The following RCAN2 variants were observed in gnomAD, a reference collection of about 807,000 sequenced individuals.
RCAN2 encodes regulator of calcineurin 2.
RCAN2 carries 9 observed loss-of-function variants against 23.6 expected under a neutral mutation model. The ratio of observed to expected loss-of-function variants is 0.38; its 90% CI spans 0.23 to 0.67. The LOEUF (loss-of-function observed/expected upper bound fraction) is 0.67, where lower values mean the gene tolerates loss of function less well. RCAN2 is among the 30% of genes least tolerant of loss of function. The pLI is 0.51. For synonymous variants in RCAN2, 109 were observed against 115.7 expected, an observed-to-expected ratio of 0.94 and a Z score of 0.37; for missense variants, 273 against 302.3, an observed-to-expected ratio of 0.90 and a Z score of 0.72.
At chr6:46,334,765 C>A (rs1160677829) in intron 2 of RCAN2, among the ~76,000 whole-genome samples, 1 of 152,170 alleles carries the variant, frequency 6.6e-6, no homozygotes, top group African/African-American at 2.4e-5. Flanking sequence ...CCCACAGATA[C>A]CTTACAGCTA....
intron 1 of RCAN2, among the ~76,000 whole-genome samples, chr6:46,467,039 G>A (rs1445300348): frequency 1.3e-5 from 2 of 152,094 alleles, no homozygotes. Context: ...TGCACTAGAT[G>A]AGATTCCCCA....
intron 1 of RCAN2, among the ~76,000 whole-genome samples, 194 bp downstream of exon 1, chr6:46,490,979 G>A (rs1466845463): frequency 6.7e-6 from 1 of 150,012 alleles, no homozygotes; most frequent in Non-Finnish European, 1.5e-5. Flanking sequence ...CAGATCTGGA[G>A]ACAAACCCCA....
intron 2 of RCAN2, among the ~76,000 whole-genome samples, chr6:46,332,441 T>TCC (rs750621280): frequency 1.1e-4 from 17 of 149,054 alleles, no homozygotes; most frequent in Non-Finnish European, 1.6e-4. Context: ...GTATATCTCC[T>TCC]AAAGTTATCC....
intron 2 of RCAN2, among the ~76,000 whole-genome samples, chr6:46,276,703 T>C (rs999037537): frequency 6.6e-6 from 1 of 152,250 alleles, no homozygotes; most frequent in Non-Finnish European, 1.5e-5. Flanking sequence ...GACTTTAAAC[T>C]GCAGTCACAC....
chr6:46,347,019 G>T (rs1764505091), intron 2 of RCAN2, among the ~76,000 whole-genome samples: 1 of 152,014 alleles, frequency 6.6e-6, no homozygotes, highest in Non-Finnish European at 1.5e-5. Context: ...GGGACTACAG[G>T]CACCCGCCAC....
At chr6:46,418,987 C>T (rs1231755329) in intron 2 of RCAN2, among the ~76,000 whole-genome samples, 3 of 151,218 alleles carry the variant, frequency 2.0e-5, no homozygotes, top group Admixed American at 6.6e-5. Flanking sequence ...ACTTGGGAAG[C>T]GGAGGCTGCA....
chr6:46,427,211 A>G (rs1353504328), intron 2 of RCAN2, among the ~76,000 whole-genome samples: 1 of 152,206 alleles, frequency 6.6e-6, no homozygotes, highest in African/African-American at 2.4e-5. Context: ...TATACAGTTA[A>G]TACCTTAAAA....
At chr6:46,459,806 G>A (rs1768158553) in intron 1 of RCAN2, among the ~76,000 whole-genome samples, 1 of 152,050 alleles carries the variant, frequency 6.6e-6, no homozygotes, top group Middle Eastern at 3.2e-3. Context: ...ATCAAAATCA[G>A]TATTAACCAC....
At chr6:46,291,380 A>G (rs1762557468) in intron 2 of RCAN2, among the ~76,000 whole-genome samples, 1 of 151,194 alleles carries the variant, frequency 6.6e-6, no homozygotes, top group African/African-American at 2.4e-5. Context: ...AGGAGAAGGT[A>G]TGATGCTGAG....
chr6:46,440,661 A>G (rs1355219834), intron 2 of RCAN2, among the ~76,000 whole-genome samples: 1 of 152,106 alleles, frequency 6.6e-6, no homozygotes, highest in Admixed American at 6.5e-5. Flanking sequence ...GATCAATAAG[A>G]AAAAAGATAG....
At chr6:46,440,819 A>G (rs1053002083) in intron 2 of RCAN2, among the ~76,000 whole-genome samples, 6 of 152,204 alleles carry the variant, frequency 3.9e-5, no homozygotes, top group Non-Finnish European at 8.8e-5. Flanking sequence ...TTCTAAAAGA[A>G]AAGTATCACG....
intron 2 of RCAN2, among the ~76,000 whole-genome samples, chr6:46,262,352 T>C (rs1270683466): frequency 6.6e-6 from 1 of 152,176 alleles, no homozygotes; most frequent in Non-Finnish European, 1.5e-5. Flanking sequence ...CTGTTCACCC[T>C]GCCATCAATT....
intron 2 of RCAN2, among the ~76,000 whole-genome samples, chr6:46,323,328 C>T (rs1310581190): frequency 6.6e-6 from 1 of 150,716 alleles, no homozygotes; most frequent in Non-Finnish European, 1.5e-5. Flanking sequence ...GTAGAAATTA[C>T]TACTATTCTC....
intron 4 of RCAN2, among the ~76,000 whole-genome samples, chr6:46,232,890 C>T (rs1765950339): frequency 1.3e-5 from 2 of 151,614 alleles, no homozygotes; most frequent in African/African-American, 4.8e-5. Context: ...GCCCTAAGTG[C>T]TTCTCAGTGC....
chr6:46,449,017 T>C (rs1357787324), intron 2 of RCAN2, among the ~76,000 whole-genome samples: 3 of 151,816 alleles, frequency 2.0e-5, no homozygotes. Context: ...GAATCCAAAC[T>C]GGAAAGGAAG....
At chr6:46,293,343 G>C (rs781148895) in intron 2 of RCAN2, among the ~76,000 whole-genome samples, 1 of 152,048 alleles carries the variant, frequency 6.6e-6, no homozygotes, top group Non-Finnish European at 1.5e-5. Context: ...ACTTCTTTGT[G>C]CATAATAATA....
chr6:46,328,054 CTTTATG>C (rs1319492892), intron 2 of RCAN2, among the ~76,000 whole-genome samples: 3 of 152,172 alleles, frequency 2.0e-5, no homozygotes, highest in Admixed American at 6.5e-5. Context: ...TTATTTCACA[CTTTATG>C]TTTAGGAAAG....
At chr6:46,370,408 CTA>C (rs1258392048) in intron 2 of RCAN2, among the ~76,000 whole-genome samples, 4 of 152,148 alleles carry the variant, frequency 2.6e-5, no homozygotes, top group African/African-American at 7.2e-5. Context: ...GAAGCTGCCC[CTA>C]TGGAATGCAC....
At chr6:46,325,503 A>C in intron 2 of RCAN2, 3 of 1,613,494 alleles carry the variant, frequency 1.9e-6, no homozygotes, top group Non-Finnish European at 2.5e-6. Context: ...TTTTTAATAA[A>C]GAGTTAGGCA....
Sources: allele counts gnomAD v4.1 joint callset (sites outside exome capture counted in the v4.1 genomes callset), GRCh38; gene constraint gnomAD v4.1.1; transcripts MANE v1.5; gene names NCBI Gene and HGNC (gene_info 2026-07-23, HGNC 2026-07-21).